Variants in ZNF423 observed in about 807,000 individuals in gnomAD.
The protein encoded by ZNF423 is zinc finger protein 423.
In ZNF423, 12 loss-of-function variants were observed where a neutral mutation model predicts 95.8. The observed-to-expected ratio is 0.13, with a 90% CI of 0.08 to 0.20. ZNF423 has a LOEUF of 0.20. Among genes scored for constraint, ZNF423 ranks in the 10% least tolerant of loss-of-function variants. ZNF423 has a pLI of 1.00. For missense variants in ZNF423, 1,316 were observed against 1,737.1 expected (o/e 0.76, Z 4.31); for synonymous variants, 749 against 711.9 (o/e 1.05, Z -0.83).
At chr16:49,500,743 C>T (rs1053903085) in intron 7 of ZNF423, among the ~76,000 whole-genome samples, 1 of 143,296 alleles carries the variant, frequency 7.0e-6, no homozygotes, top group Non-Finnish European at 1.5e-5. Flanking sequence ...CCCATCTCTA[C>T]GAAAAAAAAA....
chr16:49,845,476 C>T (rs773123095), intron 1 of ZNF423, among the ~76,000 whole-genome samples: 2 of 151,730 alleles, frequency 1.3e-5, no homozygotes, highest in African/African-American at 2.4e-5. Context: ...CACGTAGCCT[C>T]GCCTTCTTAT....
intron 7 of ZNF423, among the ~76,000 whole-genome samples, chr16:49,502,234 G>A (rs1006839744): frequency 1.3e-5 from 2 of 152,150 alleles, no homozygotes; most frequent in Admixed American, 6.5e-5. Flanking sequence ...GCAGCAGATG[G>A]CCCAACATTA....
intron 1 of ZNF423, among the ~76,000 whole-genome samples, chr16:49,804,083 C>T (rs1055384141): frequency 9.2e-5 from 14 of 151,806 alleles, no homozygotes; most frequent in African/African-American, 3.4e-4. Flanking sequence ...TTACAGATGC[C>T]CGCCACTACG....
chr16:49,782,493 T>C (rs1440747698), intron 2 of ZNF423, among the ~76,000 whole-genome samples: 1 of 152,246 alleles, frequency 6.6e-6, no homozygotes, highest in Non-Finnish European at 1.5e-5. Flanking sequence ...CTGATCACAG[T>C]GCGACACCAA....
At position 49,572,071 on chromosome 16, in the gene ZNF423, C is replaced by T. The variant is rs557988572; in HGVS notation, c.3602-46577G>A. 3.9e-5 allele frequency among the ~76,000 whole-genome samples: 6 copies of T among 152,338 alleles called. No individual in the cohort carries two copies. In the South Asian group the frequency reaches 1.2e-3, roughly 32 times the overall value. ...AACAGTCAGACCCCAGTAGCCCTTT[C>T]TACACCATCTTAGACACATGTAACT... On this transcript the variant is annotated intron_variant, in intron 5 of 7. Coordinates refer to ENST00000563137, the MANE Select transcript of ZNF423 (RefSeq NM_001379286.1).
At chr16:49,563,289 C>A (rs138503689) in intron 5 of ZNF423, among the ~76,000 whole-genome samples, 23 of 152,234 alleles carry the variant, frequency 1.5e-4, no homozygotes, top group Middle Eastern at 3.4e-3. Flanking sequence ...GCACCTCCCC[C>A]CTCCCTCTTG....
intron 5 of ZNF423, among the ~76,000 whole-genome samples, chr16:49,614,466 G>A (rs556803645): frequency 1.8e-4 from 28 of 152,158 alleles, no homozygotes; most frequent in African/African-American, 5.3e-4. Flanking sequence ...CCAAAATAAC[G>A]AAAACTTAAA....
chr16:49,756,043 T>A (rs1266408984), intron 2 of ZNF423, among the ~76,000 whole-genome samples: 4 of 151,914 alleles, frequency 2.6e-5, no homozygotes, highest in East Asian at 1.9e-4. Context: ...CCAGGCTGAG[T>A]CCAAGGTTCA....
chr16:49,848,733 A>ACAG (rs757649736), intron 1 of ZNF423, among the ~76,000 whole-genome samples: 1 of 152,208 alleles, frequency 6.6e-6, no homozygotes, highest in Non-Finnish European at 1.5e-5. Flanking sequence ...GCTGGCGAAT[A>ACAG]CAGGCTCTTG....
At chr16:49,532,933 A>AG (rs573044915) in intron 5 of ZNF423, among the ~76,000 whole-genome samples, 6 of 152,276 alleles carry the variant, frequency 3.9e-5, no homozygotes, top group African/African-American at 1.4e-4. Context: ...GGCAGGAGAA[A>AG]GGGGGAGACC....
At chr16:49,843,605 G>A (rs1002403614) in intron 1 of ZNF423, among the ~76,000 whole-genome samples, 1 of 152,116 alleles carries the variant, frequency 6.6e-6, no homozygotes, top group African/African-American at 2.4e-5. Context: ...AGGAAACTGA[G>A]GCCCATAGAA....
At chr16:49,499,760 T>C (rs1356540341) in intron 7 of ZNF423, among the ~76,000 whole-genome samples, 1 of 151,524 alleles carries the variant, frequency 6.6e-6, no homozygotes, top group East Asian at 1.9e-4. Flanking sequence ...TGGGAGAAAA[T>C]ATTGTGGGGA....
At chr16:49,802,592 G>A (rs1892774275) in intron 1 of ZNF423, among the ~76,000 whole-genome samples, 2 of 152,194 alleles carry the variant, frequency 1.3e-5, no homozygotes, top group East Asian at 1.9e-4. Flanking sequence ...ACAGGAGGAG[G>A]AGGAAGGAGA....
intron 3 of ZNF423, among the ~76,000 whole-genome samples, chr16:49,723,323 C>T: frequency 6.6e-6 from 1 of 152,200 alleles, no homozygotes; most frequent in Non-Finnish European, 1.5e-5. Flanking sequence ...CATCTAACCA[C>T]CAGTGTGGCA....
intron 3 of ZNF423, among the ~76,000 whole-genome samples, chr16:49,729,965 C>T (rs1371232618): frequency 6.6e-6 from 1 of 152,090 alleles, no homozygotes; most frequent in Non-Finnish European, 1.5e-5. Context: ...GCTTCATCAA[C>T]AACCCTGATG....
At chr16:49,623,057 G>A (rs1017136925) in intron 5 of ZNF423, among the ~76,000 whole-genome samples, 1 of 152,094 alleles carries the variant, frequency 6.6e-6, no homozygotes, top group Non-Finnish European at 1.5e-5. Context: ...CAGGCAGGTA[G>A]GGAGTGCAGG....
chr16:49,670,717 C>G (rs532671386), intron 3 of ZNF423, among the ~76,000 whole-genome samples: 7 of 152,356 alleles, frequency 4.6e-5, no homozygotes, highest in South Asian at 2.1e-4. Context: ...CAAAACAGCA[C>G]GCTGCCTCAT....
intron 1 of ZNF423, among the ~76,000 whole-genome samples, chr16:49,823,908 C>A (rs1260917944): frequency 6.6e-6 from 1 of 151,680 alleles, no homozygotes; most frequent in Non-Finnish European, 1.5e-5. Context: ...CCAGCCTGGG[C>A]AATATAGTGA....
intron 3 of ZNF423, among the ~76,000 whole-genome samples, chr16:49,655,038 T>C (rs9302740): frequency 0.58 from 88,030 of 152,030 alleles, 25,891 homozygotes; most frequent in East Asian, 0.76. Flanking sequence ...AGGTGAATCA[T>C]AGCATCAGTG....
Sources: gnomAD v4.1 joint callset for allele counts (sites outside exome capture counted in the v4.1 genomes callset) on GRCh38, gnomAD v4.1.1 for gene constraint, MANE v1.5 for transcripts, NCBI Gene and HGNC (gene_info 2026-07-23, HGNC 2026-07-21) for gene names.